The following NF2 variants were observed in gnomAD, a reference collection of about 807,000 sequenced individuals.
NF2 encodes NF2, moesin-ezrin-radixin like (MERLIN) tumor suppressor, also known as merlin.
Under a neutral mutation model 83.7 loss-of-function variants are expected in NF2, and 8 were observed. The ratio of observed to expected loss-of-function variants is 0.10; its 90% CI spans 0.06 to 0.17. NF2 has a LOEUF of 0.17. NF2 is among the 10% of genes least tolerant of loss of function. The probability of loss-of-function intolerance (pLI) is 1.00; values close to 1 mark genes in which losing one functional copy is unlikely to be tolerated. For missense variants in NF2, 533 were observed against 744.4 expected (o/e 0.72, Z 3.31); for synonymous variants, 266 against 269.6 (o/e 0.99, Z 0.13).
chr22:29,631,845 AG>A (rs2065519917), intron 1 of NF2, among the ~76,000 whole-genome samples: 1 of 152,242 alleles, frequency 6.6e-6, no homozygotes, highest in Admixed American at 6.5e-5. Flanking sequence ...GCAAAGCACA[AG>A]GAAGTTCAGT....
intron 1 of NF2, among the ~76,000 whole-genome samples, chr22:29,610,085 C>T (rs2064909365): frequency 6.6e-6 from 1 of 151,898 alleles, no homozygotes; most frequent in African/African-American, 2.4e-5. Context: ...TGCCTGTAAT[C>T]TCAGCACTTT....
Position 29,698,492 on chromosome 22 carries a change from C to A in NF2, c.*3690C>A. The stretch of plus-strand genomic sequence containing the variant: ...TCAAACGTCACTTCTTCCTGTAGGG[C>A]CCGAGTCCTGCCTCCTATCAGGGCC... On this transcript the variant is annotated 3_prime_UTR_variant, in exon 16 of 16. Coordinates refer to ENST00000338641, the MANE Select transcript of NF2 (RefSeq NM_000268.4). The A allele has an allele frequency of 4.8e-6, 1 of 208,756 alleles. No homozygotes were observed. The highest frequency in any genetic ancestry group is 2.3e-5 in the African/African-American group (1 of 43,968). The allele number at this position is 208,756 out of a possible 1,614,324, so 12.9% of individuals were successfully genotyped here. A position where few individuals can be genotyped will look rare whatever the true frequency, so the allele number is the denominator to read the frequency against.
At chr22:29,613,392 T>TG (rs1389873514) in intron 1 of NF2, among the ~76,000 whole-genome samples, 4 of 151,822 alleles carry the variant, frequency 2.6e-5, no homozygotes, top group Non-Finnish European at 5.9e-5. Context: ...TAACCGGGCG[T>TG]GGGGGTGCAC....
At chr22:29,658,869 A>G (rs1020752055) in intron 7 of NF2, among the ~76,000 whole-genome samples, 1 of 152,116 alleles carries the variant, frequency 6.6e-6, no homozygotes, top group Non-Finnish European at 1.5e-5. Context: ...AGCTTCTTAC[A>G]AAGGGATGCA....
At chr22:29,614,232 A>G (rs367657968) in intron 1 of NF2, among the ~76,000 whole-genome samples, 1 of 151,490 alleles carries the variant, frequency 6.6e-6, no homozygotes, top group East Asian at 2.0e-4. Flanking sequence ...TCATGAGGTC[A>G]GGAGTTCAAG....
chr22:29,624,966 C>T (rs1227301192), intron 1 of NF2, among the ~76,000 whole-genome samples: 2 of 149,158 alleles, frequency 1.3e-5, no homozygotes, highest in African/African-American at 5.0e-5. Context: ...TCTTTTCTTG[C>T]TCTATTGCCA....
At chr22:29,632,177 G>A (rs2065531406) in intron 1 of NF2, among the ~76,000 whole-genome samples, 1 of 152,078 alleles carries the variant, frequency 6.6e-6, no homozygotes, top group African/African-American at 2.4e-5. Flanking sequence ...ATTTTAGATG[G>A]TAGTTTCGGT....
chr22:29,613,957 C>G (rs2065018644), intron 1 of NF2, among the ~76,000 whole-genome samples: 1 of 150,802 alleles, frequency 6.6e-6, no homozygotes, highest in South Asian at 2.1e-4. Context: ...TAGGGTTCCA[C>G]TATGTTGGCC....
chr22:29,688,803 T>C (rs977242351), intron 15 of NF2, among the ~76,000 whole-genome samples: 1 of 152,222 alleles, frequency 6.6e-6, no homozygotes, highest in Non-Finnish European at 1.5e-5. Context: ...CACCTCTGTG[T>C]AGGATAAGTG....
chr22:29,611,530 C>T (rs2064953566), intron 1 of NF2, among the ~76,000 whole-genome samples: 1 of 152,022 alleles, frequency 6.6e-6, no homozygotes, highest in Non-Finnish European at 1.5e-5. Flanking sequence ...AACAAACAAA[C>T]AAACAAACAA....
Position 29,694,983 on chromosome 22 carries a change from C to T in NF2, c.*181C>T. The T allele has an allele frequency of 1.5e-6, 1 of 667,900 alleles. No individual in the cohort carries two copies. The highest frequency in any genetic ancestry group is 1.6e-5 in the South Asian group (1 of 61,560). The allele number at this position is 667,900 out of a possible 1,614,324, so 41.4% of individuals were successfully genotyped here. On this transcript the variant is annotated 3_prime_UTR_variant, in exon 16 of 16. Transcript: ENST00000338641. The surrounding 1 kb of genome is among the most constrained non-coding windows in gnomAD (Gnocchi z 4.1). ...TATGTGCAATTGCCTTGAACTACGA[C>T]CCTGTAGAGATTTCTCTCATGGCGT...
intron 13 of NF2, 55 bp from the exon 14 acceptor site, chr22:29,678,141 T>C: frequency 6.2e-7 from 1 of 1,608,504 alleles, no homozygotes; most frequent in South Asian, 1.1e-5. Flanking sequence ...AACACAGTAG[T>C]GTCCTTCTGT....
At chr22:29,656,873 A>C (rs2066328264) in intron 6 of NF2, among the ~76,000 whole-genome samples, 2 of 118,856 alleles carry the variant, frequency 1.7e-5, no homozygotes, top group African/African-American at 6.5e-5. Flanking sequence ...GTCTATCCTC[A>C]ACAATTGTTT....
At chr22:29,617,089 C>T (rs553380543) in intron 1 of NF2, among the ~76,000 whole-genome samples, 5 of 152,074 alleles carry the variant, frequency 3.3e-5, no homozygotes, top group African/African-American at 7.2e-5. Flanking sequence ...CCACCATGCC[C>T]GGCTAATTTT....
chr22:29,609,013 A>G (rs1371670987), intron 1 of NF2: 2 of 686,138 alleles, frequency 2.9e-6, no homozygotes, highest in Non-Finnish European at 5.4e-6. Context: ...CCGGAATGTA[A>G]TGGATGAACA....
chr22:29,630,017 C>T (rs140034561), intron 1 of NF2, among the ~76,000 whole-genome samples: 15 of 152,294 alleles, frequency 9.8e-5, no homozygotes, highest in African/African-American at 2.9e-4. Context: ...TTACTCACCC[C>T]GCACTGTTGT....
At chr22:29,613,396 G>T (rs1459196017) in intron 1 of NF2, among the ~76,000 whole-genome samples, 1 of 152,086 alleles carries the variant, frequency 6.6e-6, no homozygotes, top group African/African-American at 2.4e-5. Flanking sequence ...CGGGCGTGGG[G>T]GTGCACACTT....
chr22:29,622,279 C>T (rs2065234754), intron 1 of NF2, among the ~76,000 whole-genome samples: 1 of 152,188 alleles, frequency 6.6e-6, no homozygotes, highest in South Asian at 2.1e-4. Context: ...ACGATCCGTG[C>T]TACATTACCT....
At chr22:29,621,280 G>A (rs1010001263) in intron 1 of NF2, among the ~76,000 whole-genome samples, 1 of 152,168 alleles carries the variant, frequency 6.6e-6, no homozygotes, top group Non-Finnish European at 1.5e-5. Flanking sequence ...CCTCTAACCA[G>A]CTTTGCAACC....
Sources: gnomAD v4.1 joint callset for allele counts (sites outside exome capture counted in the v4.1 genomes callset) on GRCh38, gnomAD v4.1.1 for gene constraint, Gnocchi (gnomAD v3.1) non-coding constraint, MANE v1.5 for transcripts, NCBI Gene and HGNC (gene_info 2026-07-23, HGNC 2026-07-21) for gene names.